ARB2A: variants seen among roughly 807,000 people sequenced by gnomAD.
ARB2A encodes cotranscriptional regulator ARB2A.
the ARB2A span, among the ~76,000 whole-genome samples, chr5:93,793,012 TAG>T: frequency 1.3e-5 from 2 of 151,984 alleles, no homozygotes; most frequent in Non-Finnish European, 2.9e-5. Flanking sequence ...AACTGATGCC[TAG>T]AGAGTAAGTG....
chr5:93,725,042 C>T, the ARB2A span, among the ~76,000 whole-genome samples: 2,007 of 152,008 alleles, frequency 0.013, 25 homozygotes, highest in Non-Finnish European at 0.02. Flanking sequence ...AGTAGGATAG[C>T]GTAAGAGTTC....
At chr5:93,805,606 C>G in the ARB2A span, 1 of 984,968 alleles carries the variant, frequency 1.0e-6, no homozygotes, top group Admixed American at 6.2e-5. Context: ...TATTTCTCAC[C>G]AACTACTGAA....
the ARB2A span, among the ~76,000 whole-genome samples, chr5:93,724,581 T>A: frequency 7.9e-5 from 12 of 152,086 alleles, no homozygotes; most frequent in Admixed American, 7.9e-4. Context: ...TATTTTATGA[T>A]AAATTGACTT....
the ARB2A span, among the ~76,000 whole-genome samples, chr5:93,696,377 T>A: frequency 3.9e-5 from 6 of 152,174 alleles, no homozygotes; most frequent in African/African-American, 7.2e-5. Context: ...GTTGAAATAG[T>A]CTTCTTCCCT....
chr5:93,737,233 G>A, the ARB2A span: 3 of 152,060 alleles, frequency 2.0e-5, no homozygotes, highest in Non-Finnish European at 4.4e-5. Context: ...ATAACTTTAA[G>A]AAAGTGAAAG....
the ARB2A span, chr5:93,621,275 C>A: frequency 1.5e-6 from 1 of 650,268 alleles, no homozygotes; most frequent in South Asian, 7.3e-5. Context: ...CTCAGCCGCC[C>A]GCGCCCCGCC....
chr5:93,675,284 T>C, the ARB2A span, among the ~76,000 whole-genome samples: 1 of 152,196 alleles, frequency 6.6e-6, no homozygotes, highest in African/African-American at 2.4e-5. Context: ...AAAAACTACA[T>C]GTCCTGGTCC....
the ARB2A span, among the ~76,000 whole-genome samples, chr5:93,829,081 A>G: frequency 6.6e-6 from 1 of 152,046 alleles, no homozygotes; most frequent in African/African-American, 2.4e-5. Context: ...CTGGCCCTCA[A>G]ACTCCTTAAT....
At chr5:93,830,477 G>A in the ARB2A span, among the ~76,000 whole-genome samples, 1 of 151,588 alleles carries the variant, frequency 6.6e-6, no homozygotes, top group Non-Finnish European at 1.5e-5. Context: ...AAAGACTTCA[G>A]AAGCAGTAGT....
At chr5:93,874,943 GC>G in the ARB2A span, among the ~76,000 whole-genome samples, 2 of 152,114 alleles carry the variant, frequency 1.3e-5, no homozygotes, top group African/African-American at 2.4e-5. Flanking sequence ...TAGCCCTAAA[GC>G]CCCAAGACTG....
the ARB2A span, among the ~76,000 whole-genome samples, chr5:93,983,433 AT>A: frequency 6.6e-6 from 1 of 152,172 alleles, no homozygotes; most frequent in Admixed American, 6.5e-5. Context: ...ATCTGGGATA[AT>A]TTAGGCATCA....
At chr5:94,041,098 C>T in the ARB2A span, among the ~76,000 whole-genome samples, 1 of 150,564 alleles carries the variant, frequency 6.6e-6, no homozygotes, top group Admixed American at 6.6e-5. Context: ...CTCTCGGTCT[C>T]TCTCTCTCTC....
At chr5:94,048,936 T>C in the ARB2A span, among the ~76,000 whole-genome samples, 4 of 152,204 alleles carry the variant, frequency 2.6e-5, no homozygotes, top group African/African-American at 7.2e-5. Context: ...GATCAAAGAA[T>C]TGTCTCCCAG....
chr5:93,961,611 G>C, the ARB2A span, among the ~76,000 whole-genome samples: 1 of 148,628 alleles, frequency 6.7e-6, no homozygotes, highest in African/African-American at 2.4e-5. Flanking sequence ...TTGAGGCCAG[G>C]AAGTCAAGGC....
the ARB2A span, among the ~76,000 whole-genome samples, chr5:93,661,651 T>C: frequency 4.5e-5 from 1 of 22,462 alleles, no homozygotes; most frequent in South Asian, 2.8e-3. Flanking sequence ...TGGTAGCTGA[T>C]CAGCTAAAAA....
At chr5:93,699,951 C>T in the ARB2A span, among the ~76,000 whole-genome samples, 1 of 151,596 alleles carries the variant, frequency 6.6e-6, no homozygotes, top group Non-Finnish European at 1.5e-5. Flanking sequence ...TAGTTAGACA[C>T]CTGGAGATTC....
At chr5:93,794,092 A>G in the ARB2A span, among the ~76,000 whole-genome samples, 1 of 152,148 alleles carries the variant, frequency 6.6e-6, no homozygotes, top group Non-Finnish European at 1.5e-5. Flanking sequence ...ACCACAGGCC[A>G]TAACAGAAAT....
At chr5:93,922,140 T>C in the ARB2A span, among the ~76,000 whole-genome samples, 1 of 152,198 alleles carries the variant, frequency 6.6e-6, no homozygotes, top group Admixed American at 6.5e-5. Flanking sequence ...GATGCCATCA[T>C]TGTTACAGAA....
the ARB2A span, among the ~76,000 whole-genome samples, chr5:93,625,659 A>G: frequency 6.6e-6 from 1 of 152,202 alleles, no homozygotes; most frequent in Non-Finnish European, 1.5e-5. Flanking sequence ...AGTGGTGAAA[A>G]AGATTAGAAA....
Sources: gnomAD v4.1 joint callset for allele counts (sites outside exome capture counted in the v4.1 genomes callset) on GRCh38, gnomAD v4.1.1 for gene constraint, MANE v1.5 for transcripts, NCBI Gene and HGNC (gene_info 2026-07-23, HGNC 2026-07-21) for gene names.